GRAMD1A: variants seen among roughly 807,000 people sequenced by gnomAD.
GRAMD1A encodes the protein GRAM domain containing 1A, also known as protein Aster-A.
Under a neutral mutation model 92.0 loss-of-function variants are expected in GRAMD1A, and 50 were observed. That is an observed-to-expected ratio of 0.54 (90% CI 0.43 to 0.69). The LOEUF is 0.69. Ranked by LOEUF, GRAMD1A falls within the 30% of genes least tolerant of loss-of-function variation. The probability of loss-of-function intolerance (pLI) is 0.00; values close to 1 mark genes in which losing one functional copy is unlikely to be tolerated. For synonymous variants in GRAMD1A, 405 were observed against 403.6 expected (o/e 1.00, Z -0.04); for missense variants, 819 against 978.9 (o/e 0.84, Z 2.18).
chr19:35,014,371 A>C lies in GRAMD1A; in HGVS notation c.1053A>C (p.Ser351=), dbSNP rs780060844. 1 of 1,613,834 alleles carries C rather than the reference A, an allele frequency of 6.2e-7. No homozygotes were observed. Among genetic ancestry groups the C allele is most frequent in the African/African-American group, 1.3e-5 (1 of 74,896 alleles). ...ELLTDTSNSS[S]STGEEADLAA... is the part of the protein sequence containing the mutation. ...TGACAGACACAAGTAACTCCTCTTC[A>C]TCCACTGGGGAGGAAGGTGAGGCAG... Residue 351 remains serine (S), a synonymous_variant, in exon 10 of 20, where the codon TCA becomes TCC. Coordinates refer to ENST00000317991, the MANE Select transcript of GRAMD1A (RefSeq NM_020895.5).
chr19:35,013,286 G>C lies in GRAMD1A; in HGVS notation c.637G>C (p.Val213Leu). ...TLSPRELWHLVHQCYGSELGL... is the reference protein window; with the variant it reads ...TLSPRELWHLLHQCYGSELGL... ...GAGTCCCCGCGAGCTCTGGCACCTGGTGCATCAGTGCTACGGCTCAGAGCT... is the reference window on the plus strand; with the variant it reads ...GAGTCCCCGCGAGCTCTGGCACCTGCTGCATCAGTGCTACGGCTCAGAGCT... The change falls in exon 8 of 20, where the codon GTG becomes CTG. Residue 213 changes from valine to leucine, a missense_variant. Val to Leu is a conservative substitution (Grantham distance 32). Transcript: ENST00000317991. This position sits in a 1 kb window ranked among gnomAD's most constrained non-coding sequence, Gnocchi z 4.9. 1 of 1,549,468 alleles carries C rather than the reference G, an allele frequency of 6.5e-7. No individual in the cohort carries two copies. The highest frequency in any genetic ancestry group is 8.7e-7 in the Non-Finnish European group (1 of 1,145,472).
At position 35,009,192 on chromosome 19, in the gene GRAMD1A, C is replaced by A. The variant is rs772131074; in HGVS notation, c.82C>A (p.Pro28Thr). 6 of 1,613,864 alleles carry A rather than the reference C, an allele frequency of 3.7e-6. No homozygotes were observed. Among genetic ancestry groups the A allele is most frequent in the Non-Finnish European group, 5.1e-6 (6 of 1,179,846 alleles). The change falls in exon 2 of 20, where the codon CCA becomes ACA. Residue 28 changes from proline to threonine, a missense_variant. Physicochemically the swap from Pro to Thr is conservative, Grantham distance 38. This residue lies in a region of GRAMD1A where 98 missense variants were observed against 84.0 expected (regional missense o/e 1.17). Transcript: ENST00000317991. ...CCGGAAACGGCTGCAGCTCCTGCCCCCAAGCCGGCCCCCACCTGAGCCAGA... is the reference window on the plus strand; with the variant it reads ...CCGGAAACGGCTGCAGCTCCTGCCCACAAGCCGGCCCCCACCTGAGCCAGA... The part of the protein sequence containing the change: ...SLRKRLQLLP[P>T]SRPPPEPEPG...
upstream of GRAMD1A, chr19:35,000,093 C>A: frequency 2.0e-6 from 2 of 988,860 alleles, no homozygotes; most frequent in Non-Finnish European, 2.4e-6. The surrounding 1 kb of genome is among the most constrained non-coding windows in gnomAD (Gnocchi z 4.9). Flanking sequence ...CAGGCAGCTG[C>A]CTCCACGATG....
intron 3 of GRAMD1A, 177 bp from the exon 4 acceptor site, chr19:35,009,711 C>T (rs903550578): frequency 1.1e-5 from 7 of 640,380 alleles, no homozygotes; most frequent in African/African-American, 5.4e-5. Flanking sequence ...GTGCTTGGTA[C>T]GGGGCCCGGC....
At chr19:35,011,053 G>A (rs2151714115) in intron 6 of GRAMD1A, among the ~76,000 whole-genome samples, 1 of 134,534 alleles carries the variant, frequency 7.4e-6, no homozygotes, top group South Asian at 2.3e-4. Flanking sequence ...AGTGAGCCGT[G>A]ATCATGCCAC....
chr19:34,995,879 G>A, upstream of GRAMD1A: 1 of 663,028 alleles, frequency 1.5e-6, no homozygotes, highest in Non-Finnish European at 2.5e-6. Flanking sequence ...CACTGCGCCT[G>A]GTCCCCAACT....
rs1314356906 is a variant in GRAMD1A, at chr19:35,019,533, G to A, written c.1475G>A (p.Arg492Gln). The A allele has an allele frequency of 1.1e-5, 18 of 1,613,642 alleles. No homozygotes were observed. The highest frequency in any genetic ancestry group is 1.4e-5 in the Non-Finnish European group (17 of 1,179,864). The change falls in exon 13 of 20, where the codon CGA becomes CAA. Residue 492 changes from arginine to glutamine, a missense_variant and splice_region_variant. By Grantham distance (43) the Arg-to-Gln change is conservative. This residue lies in a region of GRAMD1A where 577 missense variants were observed against 674.6 expected (regional missense o/e 0.86). Coordinates refer to ENST00000317991, the MANE Select transcript of GRAMD1A (RefSeq NM_020895.5). ...LGLARNKARL[R>Q]VSSEIRYRKQ... ...CTGGCCCGGAACAAGGCGCGGCTCC[G>A]GTGAGTGGTGGCTGGGCCCCTCCAC... is the stretch of plus-strand genomic sequence containing the variant.
In GRAMD1A at chr19:35,009,284, C is replaced by T. The variant is rs747126053; in HGVS notation, c.174C>T (p.Pro58=). 1.2e-6 allele frequency: 2 copies of T among 1,614,048 alleles called. No individual in the cohort carries two copies. The highest frequency in any genetic ancestry group is 8.5e-7 in the Non-Finnish European group (1 of 1,179,876). Residue 58 remains proline, a synonymous_variant, in exon 2 of 20, where the codon CCC becomes CCT. Transcript: ENST00000317991. ...SSEKGGVPGT[P]STQSLGSRNF... The stretch of plus-strand genomic sequence containing the variant: ...AGAAGGGTGGGGTGCCTGGGACCCC[C>T]AGCACCCAGAGCCTAGGCAGCCGGA...
chr19:35,001,619 T>TTC (rs2014379251), intron 1 of GRAMD1A, among the ~76,000 whole-genome samples: 1 of 152,072 alleles, frequency 6.6e-6, no homozygotes, highest in African/African-American at 2.4e-5. Context: ...TTTTTTTTTT[T>TTC]TCTTTTGAAA....
In GRAMD1A at chr19:35,013,821, G is replaced by A. The variant is rs2015427400; in HGVS notation, c.870+130G>A. Reference sequence around the variant, plus strand: ...TAGGGGGACAGGGGAGGCCTGGATGGAGGAACAGGACAGGGAGGGGAAGAC... The same window carrying A: ...TAGGGGGACAGGGGAGGCCTGGATGAAGGAACAGGACAGGGAGGGGAAGAC... On this transcript the variant is annotated intron_variant, in intron 9 of 19. Coordinates refer to ENST00000317991, the MANE Select transcript of GRAMD1A (RefSeq NM_020895.5). The surrounding 1 kb of genome is among the most constrained non-coding windows in gnomAD (Gnocchi z 4.9). 1.6e-5 allele frequency: 14 copies of A among 888,502 alleles called. No homozygotes were observed. The highest frequency in any genetic ancestry group is 3.4e-4 in the Middle Eastern group (1 of 2,976). 55.0% of individuals were successfully genotyped at this position (888,502 alleles called of 1,614,324 possible).
Position 35,010,269 on chromosome 19 carries a change from T to C in GRAMD1A, c.430-15T>C, listed in dbSNP as rs1157751532. On this transcript the variant is annotated splice_polypyrimidine_tract_variant and intron_variant, in intron 5 of 19. Transcript: ENST00000317991. ...GGCCCCACCCCGCTCCTATTGACCC[T>C]CCTGCTGTCCTCAGATCTCCATCCA... The C allele has an allele frequency of 6.2e-7, 1 of 1,607,128 alleles. No homozygotes were observed. Among genetic ancestry groups the C allele is most frequent in the Non-Finnish European group, 8.5e-7 (1 of 1,173,724 alleles).
intron 17 of GRAMD1A, 42 bp from the exon 18 acceptor site, chr19:35,023,194 A>G (rs1235990837): frequency 7.0e-7 from 1 of 1,419,748 alleles, no homozygotes; most frequent in Non-Finnish European, 1.0e-6. Flanking sequence ...TGTTCAGAGC[A>G]TCTAGACCCC....
Position 35,015,927 on chromosome 19 carries a change from G to T in GRAMD1A, c.1173G>T (p.Ser391=), listed in dbSNP as rs369609915. The stretch of plus-strand genomic sequence containing the variant: ...TCCAGCAGATGCTCTTCTCGGACTC[G>T]CCCTTCCTCCAGGGCTTCCTACAGC... ...ERLQQMLFSD[S]PFLQGFLQQC... The change falls in exon 11 of 20, where the codon TCG becomes TCT. Residue 391 remains serine, a synonymous_variant. Coordinates refer to ENST00000317991, the MANE Select transcript of GRAMD1A (RefSeq NM_020895.5). 6.2e-7 allele frequency: 1 copy of T among 1,614,038 alleles called. No homozygotes were observed. The highest frequency in any genetic ancestry group is 2.2e-5 in the East Asian group (1 of 44,876).
rs771563151 is a variant in GRAMD1A, at chr19:35,013,268, C to T, written c.619C>T (p.Arg207Cys). Residue 207 changes from arginine (R) to cysteine (C), a missense_variant, in exon 8 of 20, where the codon CGC (arginine) becomes TGC (cysteine). Arg to Cys is a radical substitution (Grantham distance 180). This residue lies in a region of GRAMD1A where 144 missense variants were observed against 220.3 expected (regional missense o/e 0.65). Transcript: ENST00000317991. This position sits in a 1 kb window ranked among gnomAD's most constrained non-coding sequence, Gnocchi z 4.9. Reference sequence around the variant, plus strand: ...CCCGCCTCCCCAGACGCTGAGTCCCCGCGAGCTCTGGCACCTGGTGCATCA... The same window carrying T: ...CCCGCCTCCCCAGACGCTGAGTCCCTGCGAGCTCTGGCACCTGGTGCATCA... ...NALLEKTLSP[R>C]ELWHLVHQCY... 107 of 1,542,152 alleles carry T rather than the reference C, an allele frequency of 6.9e-5. No homozygotes were observed. The highest frequency in any genetic ancestry group is 3.2e-4 in the South Asian group (27 of 83,866).
chr19:35,019,565 C>T lies in GRAMD1A; in HGVS notation c.1475+32C>T, dbSNP rs771679442. The T allele has an allele frequency of 2.5e-6, 4 of 1,605,844 alleles. No homozygotes were observed. The African/African-American group carries it at 5.3e-5, about 21-fold the overall frequency. On this transcript the variant is annotated intron_variant, in intron 13 of 19. Transcript: ENST00000317991. ...GGTGGCTGGGCCCCTCCACCCGATG[C>T]CCTGGTGGCCCCAGGGCCTCCTGTC... is the stretch of plus-strand genomic sequence containing the variant.
intron 1 of GRAMD1A, among the ~76,000 whole-genome samples, chr19:35,006,810 A>G (rs1333422879): frequency 6.6e-6 from 1 of 152,214 alleles, no homozygotes; most frequent in Non-Finnish European, 1.5e-5. Context: ...ACAAACAGTA[A>G]ACAAGCAGGA....
chr19:35,009,256 C>T lies in GRAMD1A; in HGVS notation c.146C>T (p.Ser49Leu). 6.2e-7 allele frequency: 1 copy of T among 1,614,090 alleles called. No homozygotes were observed. Among genetic ancestry groups the T allele is most frequent in the Non-Finnish European group, 8.5e-7 (1 of 1,179,946 alleles). The change falls in exon 2 of 20, where the codon TCA becomes TTA. Residue 49 changes from serine to leucine, a missense_variant. Physicochemically the swap from Ser to Leu is moderately radical, Grantham distance 145. Coordinates refer to ENST00000317991, the MANE Select transcript of GRAMD1A (RefSeq NM_020895.5). ...GTGGAGAAGGGATCAGATAGCTCCT[C>T]AGAGAAGGGTGGGGTGCCTGGGACC... ...TMVEKGSDSS[S>L]EKGGVPGTPS... is the part of the protein sequence containing the mutation.
chr19:34,995,926 C>T, upstream of GRAMD1A: 1 of 1,059,616 alleles, frequency 9.4e-7, no homozygotes, highest in South Asian at 1.7e-5. Flanking sequence ...TTAGTGGAGC[C>T]ACGGGGGAAG....
rs974976660 is a variant in GRAMD1A at position 35,021,362 on chromosome 19, G to A, written c.1476-140G>A. 4 of 666,380 alleles carry A rather than the reference G, an allele frequency of 6.0e-6. No homozygotes were observed. The Admixed American group carries it at 6.7e-5, about 11-fold the overall frequency. The allele number at this position is 666,380 out of a possible 1,614,324, so 41.3% of individuals were successfully genotyped here. ...GGGGTATCCAGGGAAGCCATGGGGG[G>A]TAGGGAACCCATCTGTTTTGTCTGT... On this transcript the variant is annotated intron_variant, in intron 13 of 19. Coordinates refer to ENST00000317991, the MANE Select transcript of GRAMD1A (RefSeq NM_020895.5). The surrounding 1 kb of genome is among the most constrained non-coding windows in gnomAD (Gnocchi z 5.3).
Sources: gnomAD v4.1 joint callset for allele counts (sites outside exome capture counted in the v4.1 genomes callset) on GRCh38, gnomAD v4.1.1 for gene constraint, gnomAD v4.1.1 regional missense constraint, Gnocchi (gnomAD v3.1) non-coding constraint, MANE v1.5 for transcripts, NCBI Gene and HGNC (gene_info 2026-07-23, HGNC 2026-07-21) for gene names.